Variants in CEP112 observed in about 807,000 individuals in gnomAD.
The protein encoded by CEP112 is centrosomal protein 112.
A neutral mutation model predicts 153.0 loss-of-function variants in CEP112; 127 were observed. The ratio of observed to expected loss-of-function variants is 0.83; its 90% CI spans 0.72 to 0.96. The LOEUF (loss-of-function observed/expected upper bound fraction) is 0.96. Ranked by LOEUF, CEP112 falls within the 40% of genes least tolerant of loss-of-function variation. The pLI is 0.00. For missense variants in CEP112, 1,089 were observed against 1,101.2 expected, an observed-to-expected ratio of 0.99 and a Z score of 0.16; for synonymous variants, 358 against 374.4, an observed-to-expected ratio of 0.96 and a Z score of 0.51.
chr17:65,850,365 T>C (rs936065588), intron 21 of CEP112, among the ~76,000 whole-genome samples: 8 of 151,886 alleles, frequency 5.3e-5, no homozygotes, highest in Admixed American at 1.3e-4. Context: ...CTTGGGAAAA[T>C]AGCCTTGGTG....
At position 65,908,496 on chromosome 17, in the gene CEP112, G is replaced by A. The variant is rs571279743; in HGVS notation, c.1981-6162C>T. Reference sequence around the variant, plus strand: ...GGATCATCTGAGGTCAGGAGTTCAAGACCAGCCTGACCAACAAGGAGAAAC... The same window carrying A: ...GGATCATCTGAGGTCAGGAGTTCAAAACCAGCCTGACCAACAAGGAGAAAC... On this transcript the variant is annotated intron_variant, in intron 19 of 26. Coordinates refer to ENST00000535342, the MANE Select transcript of CEP112 (RefSeq NM_001199165.4). 2.0e-5 allele frequency among the ~76,000 whole-genome samples: 3 copies of A among 152,276 alleles called. No individual in the cohort carries two copies. The East Asian group carries it at 5.8e-4, about 29-fold the overall frequency.
intron 18 of CEP112, among the ~76,000 whole-genome samples, chr17:65,950,010 A>G (rs1397736782): frequency 6.6e-6 from 1 of 152,158 alleles, no homozygotes; most frequent in Non-Finnish European, 1.5e-5. Context: ...ATCAGCACAC[A>G]TCTCACACAC....
At chr17:66,121,077 G>A (rs1412563795) in intron 6 of CEP112, among the ~76,000 whole-genome samples, 2 of 152,064 alleles carry the variant, frequency 1.3e-5, no homozygotes. Flanking sequence ...TTGGGAGTTC[G>A]AGACCAGTCT....
intron 19 of CEP112, among the ~76,000 whole-genome samples, chr17:65,906,162 T>A (rs970252396): frequency 6.7e-6 from 1 of 148,160 alleles, no homozygotes; most frequent in Non-Finnish European, 1.5e-5. Flanking sequence ...CAAGTTAACA[T>A]AGGAACAGAA....
intron 17 of CEP112, among the ~76,000 whole-genome samples, chr17:65,998,278 G>C (rs879461741): frequency 1.4e-5 from 2 of 146,446 alleles, no homozygotes; most frequent in Admixed American, 7.0e-5. Flanking sequence ...AGCTCCTCAG[G>C]AAACTGGGGT....
intron 6 of CEP112, among the ~76,000 whole-genome samples, chr17:66,106,737 C>T (rs2068800321): frequency 6.6e-6 from 1 of 152,012 alleles, no homozygotes; most frequent in African/African-American, 2.4e-5. Context: ...TAATATCAAT[C>T]CTACTCAAAC....
intron 4 of CEP112, among the ~76,000 whole-genome samples, chr17:66,140,524 T>C (rs1487904167): frequency 6.6e-6 from 1 of 152,070 alleles, no homozygotes; most frequent in Non-Finnish European, 1.5e-5. Flanking sequence ...CCCTAAAGAC[T>C]GCATTAAATA....
chr17:65,868,190 AC>A (rs1385174377), intron 20 of CEP112, among the ~76,000 whole-genome samples: 1 of 152,140 alleles, frequency 6.6e-6, no homozygotes, highest in Non-Finnish European at 1.5e-5. Flanking sequence ...ATCTCATTTT[AC>A]TTTTTAATAA....
At chr17:65,939,452 A>G (rs898421530) in intron 18 of CEP112, among the ~76,000 whole-genome samples, 1 of 152,228 alleles carries the variant, frequency 6.6e-6, no homozygotes, top group African/African-American at 2.4e-5. Context: ...ATAAGTAACA[A>G]CAACAAAGCT....
At chr17:65,970,455 TGC>T (rs1178915767) in intron 17 of CEP112, among the ~76,000 whole-genome samples, 1 of 99,352 alleles carries the variant, frequency 1.0e-5, no homozygotes, top group Non-Finnish European at 2.1e-5. Flanking sequence ...GTATATTACA[TGC>T]ATGCACACAT....
intron 17 of CEP112, among the ~76,000 whole-genome samples, chr17:65,985,940 T>C (rs2063391603): frequency 6.6e-6 from 1 of 151,846 alleles, no homozygotes. Context: ...TGTGATTGAA[T>C]CTACAGCAAA....
At chr17:65,798,127 A>T (rs879435147) in intron 21 of CEP112, among the ~76,000 whole-genome samples, 14 of 151,924 alleles carry the variant, frequency 9.2e-5, no homozygotes, top group Middle Eastern at 3.4e-3. Flanking sequence ...TTCCATCACT[A>T]TGGTTCTCAA....
chr17:66,152,715 C>T (rs1489277894), intron 4 of CEP112, among the ~76,000 whole-genome samples: 1 of 152,092 alleles, frequency 6.6e-6, no homozygotes, highest in African/African-American at 2.4e-5. Context: ...AACAAGAGGG[C>T]CTCTACAAAA....
chr17:66,122,059 TA>T (rs2069625124), intron 6 of CEP112, among the ~76,000 whole-genome samples: 1 of 152,000 alleles, frequency 6.6e-6, no homozygotes. Flanking sequence ...CATGCCCAAA[TA>T]ATTTTTTGTA....
Position 66,027,387 on chromosome 17 carries a change from C to A in CEP112, c.1656+114G>T, listed in dbSNP as rs148294102. On this transcript the variant is annotated intron_variant, in intron 16 of 26. Transcript: ENST00000535342. ...GCAAGACTCTGTCTAAAAAAAAAGA[C>A]AAAGAAACAAGTTGTTCTTTAAAGG... 1.3e-3 allele frequency: 1,287 copies of A among 997,504 alleles called. 11 individuals carry two copies. In the African/African-American group the frequency reaches 0.02, roughly 15 times the overall value. The allele number at this position is 997,504 out of a possible 1,614,324, so 61.8% of individuals were successfully genotyped here.
At chr17:65,730,892 T>G (rs1167144987) in intron 23 of CEP112, among the ~76,000 whole-genome samples, 1 of 150,736 alleles carries the variant, frequency 6.6e-6, no homozygotes, top group African/African-American at 2.4e-5. Flanking sequence ...TGCTGTAAAA[T>G]CTCTTTTCTA....
chr17:66,184,095 A>C (rs986727545), intron 1 of CEP112, among the ~76,000 whole-genome samples: 7 of 152,078 alleles, frequency 4.6e-5, no homozygotes, highest in Admixed American at 1.3e-4. Flanking sequence ...CAAAACAAAA[A>C]AAAAATTAAA....
intron 6 of CEP112, among the ~76,000 whole-genome samples, chr17:66,128,834 T>C (rs1385363050): frequency 6.6e-6 from 1 of 152,160 alleles, no homozygotes; most frequent in Non-Finnish European, 1.5e-5. Context: ...TCATATAAAA[T>C]GTTAAATTGC....
chr17:66,130,750 T>C (rs1405786843), intron 5 of CEP112, among the ~76,000 whole-genome samples: 1 of 125,430 alleles, frequency 8.0e-6, no homozygotes. Context: ...CACTCCAGCC[T>C]GGGCGACAGA....
Sources: gnomAD v4.1 joint callset for allele counts (sites outside exome capture counted in the v4.1 genomes callset) on GRCh38, gnomAD v4.1.1 for gene constraint, MANE v1.5 for transcripts, NCBI Gene and HGNC (gene_info 2026-07-23, HGNC 2026-07-21) for gene names.